RIC1: variants seen among roughly 807,000 people sequenced by gnomAD.
RIC1 encodes RIC1 partner of RAB6A GEF complex.
Under a neutral mutation model 169.0 loss-of-function variants are expected in RIC1, and 88 were observed. That is an observed-to-expected ratio of 0.52 (90% CI 0.44 to 0.62). The LOEUF is 0.62. Among genes scored for constraint, RIC1 ranks in the 20% least tolerant of loss-of-function variants. RIC1 has a pLI of 0.00. For synonymous variants in RIC1, 790 were observed against 601.5 expected (o/e 1.31, Z -4.59); for missense variants, 1,877 against 1,725.5 (o/e 1.09, Z -1.56).
chr9:5,739,591 G>A (rs1824939093), intron 8 of RIC1, among the ~76,000 whole-genome samples: 1 of 152,160 alleles, frequency 6.6e-6, no homozygotes, highest in Non-Finnish European at 1.5e-5. Flanking sequence ...TGTTGGGAGT[G>A]GCTCCTGAGG....
chr9:5,631,986 T>C (rs1386167454), intron 1 of RIC1, among the ~76,000 whole-genome samples: 1 of 152,232 alleles, frequency 6.6e-6, no homozygotes, highest in Non-Finnish European at 1.5e-5. Flanking sequence ...TAAAAAGTTC[T>C]CATGGAGCTG....
In RIC1 at chr9:5,747,383, A is replaced by C; in HGVS notation, c.1330A>C (p.Arg444=). The C allele has an allele frequency of 6.2e-7, 1 of 1,614,078 alleles. No individual in the cohort carries two copies. Among genetic ancestry groups the C allele is most frequent in the Non-Finnish European group, 8.5e-7 (1 of 1,179,938 alleles). ...AGAGGCTTCACAAACCCAGAATCCC[A>C]GGAGTTCTTCAACACACTCTGAGCA... The part of the protein sequence containing the change: ...CGEASQTQNP[R]SSSTHSEHKP... Residue 444 remains arginine (R), a synonymous_variant, in exon 12 of 26, where the codon AGG becomes CGG. Coordinates refer to ENST00000414202, the MANE Select transcript of RIC1 (RefSeq NM_020829.4).
At chr9:5,734,742 G>A (rs1038823423) in intron 7 of RIC1, among the ~76,000 whole-genome samples, 2 of 151,994 alleles carry the variant, frequency 1.3e-5, no homozygotes, top group Non-Finnish European at 2.9e-5. Context: ...TTAGTAACTG[G>A]TCAACATTGT....
intron 17 of RIC1, among the ~76,000 whole-genome samples, chr9:5,761,571 T>C (rs1586706973): frequency 6.6e-6 from 1 of 152,348 alleles, no homozygotes; most frequent in Admixed American, 6.5e-5. Context: ...TTCCCTTCCC[T>C]AATTTCTCTT....
In RIC1 at chr9:5,747,317, G is replaced by T; in HGVS notation, c.1264G>T (p.Val422Leu). ...CCTCATTTAGAGTAACCAAGAGCAG[G>T]TGTTGCTTCAGGGTGAGGATCGCTT... is the stretch of plus-strand genomic sequence containing the variant. ...VNPCMSNQEQ[V>L]LLQGEDRLYL... Residue 422 changes from valine (V) to leucine (L), a missense_variant, in exon 12 of 26, where the codon GTG (valine) becomes TTG (leucine). Val to Leu is a conservative substitution (Grantham distance 32, BLOSUM62 1). Around this residue, in one of 3 missense-constraint regions of RIC1, gnomAD observed 1,104 missense variants for 992.0 expected, o/e 1.11. Coordinates refer to ENST00000414202, the MANE Select transcript of RIC1 (RefSeq NM_020829.4). The T allele has an allele frequency of 6.2e-7, 1 of 1,613,998 alleles. No homozygotes were observed. Among genetic ancestry groups the T allele is most frequent in the South Asian group, 1.1e-5 (1 of 91,076 alleles).
chr9:5,713,801 T>C, intron 3 of RIC1, 95 bp from the exon 4 acceptor site: 1 of 731,964 alleles, frequency 1.4e-6, no homozygotes, highest in South Asian at 2.1e-5. Flanking sequence ...GATTTGTAAG[T>C]TTTATTTCAT....
chr9:5,759,454 T>G (rs1826203074), intron 17 of RIC1, among the ~76,000 whole-genome samples: 1 of 152,174 alleles, frequency 6.6e-6, no homozygotes, highest in Non-Finnish European at 1.5e-5. Context: ...CTAGATTAAA[T>G]AAGACTTTGA....
chr9:5,648,931 C>G (rs1047009934), intron 1 of RIC1, among the ~76,000 whole-genome samples: 18 of 152,276 alleles, frequency 1.2e-4, no homozygotes, highest in African/African-American at 3.1e-4. Context: ...TAGTTTGCAA[C>G]TATTGTCTAC....
chr9:5,693,343 T>A (rs1157056449), intron 3 of RIC1, among the ~76,000 whole-genome samples: 5 of 152,166 alleles, frequency 3.3e-5, no homozygotes, highest in Non-Finnish European at 7.4e-5. Context: ...CTATGCTCCA[T>A]CTGAGAACAC....
At chr9:5,710,317 G>A (rs1485821745) in intron 3 of RIC1, among the ~76,000 whole-genome samples, 1 of 152,182 alleles carries the variant, frequency 6.6e-6, no homozygotes, top group African/African-American at 2.4e-5. Flanking sequence ...TTAACAATAT[G>A]TATTATATTT....
chr9:5,734,234 G>A (rs1318908081), intron 7 of RIC1, among the ~76,000 whole-genome samples: 1 of 151,818 alleles, frequency 6.6e-6, no homozygotes, highest in Non-Finnish European at 1.5e-5. Flanking sequence ...AGCATCCTGA[G>A]TAGCTCGGAT....
Position 5,666,122 on chromosome 9 carries a change from C to T in RIC1, c.252+9432C>T, listed in dbSNP as rs181707165. Among the ~76,000 whole-genome samples the T allele has an allele frequency of 3.4e-4, 51 of 152,174 alleles. No homozygotes were observed. In the East Asian group the frequency reaches 9.1e-3, roughly 27 times the overall value. ...TAGAGCTCTGTCTAATTGGGGGTGG[C>T]TCAAGACCCCAGCTGGGAAGACCCA... On this transcript the variant is annotated intron_variant, in intron 2 of 25. Coordinates refer to ENST00000414202, the MANE Select transcript of RIC1 (RefSeq NM_020829.4).
chr9:5,661,517 T>G (rs1219120088), intron 2 of RIC1, among the ~76,000 whole-genome samples: 1 of 152,332 alleles, frequency 6.6e-6, no homozygotes, highest in Admixed American at 6.5e-5. Context: ...GTTTGAAAGT[T>G]GGTTTGTAGT....
chr9:5,639,248 T>A (rs905599043), intron 1 of RIC1, among the ~76,000 whole-genome samples: 7 of 152,214 alleles, frequency 4.6e-5, no homozygotes, highest in African/African-American at 1.7e-4. Context: ...TATAAATTTC[T>A]CTGTTAATAC....
intron 3 of RIC1, among the ~76,000 whole-genome samples, chr9:5,705,213 A>T (rs2381367): frequency 0.38 from 48,326 of 126,876 alleles, 8,809 homozygotes; most frequent in East Asian, 0.61. Flanking sequence ...TTTTTTTTTT[A>T]AAAGAACATT....
intron 11 of RIC1, 76 bp from the exon 12 acceptor site, chr9:5,747,226 T>C (rs1335999770): frequency 2.0e-5 from 22 of 1,100,590 alleles, no homozygotes; most frequent in Non-Finnish European, 3.0e-5. Flanking sequence ...CGATGTGTTA[T>C]TTTTGCCTGC....
At chr9:5,741,210 GTCTTC>G (rs1221734822) in intron 8 of RIC1, among the ~76,000 whole-genome samples, 1 of 152,200 alleles carries the variant, frequency 6.6e-6, no homozygotes, top group Admixed American at 6.5e-5. Flanking sequence ...CTGTCAAGTT[GTCTTC>G]TCTTTTCAAT....
At chr9:5,643,887 A>G (rs1586869609) in intron 1 of RIC1, among the ~76,000 whole-genome samples, 2 of 152,350 alleles carry the variant, frequency 1.3e-5, no homozygotes, top group East Asian at 3.9e-4. Context: ...ACTCATGAGC[A>G]GGCATCAATT....
intron 6 of RIC1, among the ~76,000 whole-genome samples, chr9:5,728,778 G>A (rs1824170439): frequency 6.6e-6 from 1 of 152,148 alleles, no homozygotes; most frequent in African/African-American, 2.4e-5. Context: ...TTGGCCTTCT[G>A]TCATAATTAT....
Sources: allele counts gnomAD v4.1 joint callset (sites outside exome capture counted in the v4.1 genomes callset), GRCh38; gene constraint gnomAD v4.1.1; regional missense constraint gnomAD v4.1.1; transcripts MANE v1.5; gene names NCBI Gene and HGNC (gene_info 2026-07-23, HGNC 2026-07-21).